PEX19: variants seen among roughly 807,000 people sequenced by gnomAD.
The protein encoded by PEX19 is peroxisomal biogenesis factor 19.
In PEX19, 29 loss-of-function variants were observed where a neutral mutation model predicts 36.3. The ratio of observed to expected loss-of-function variants is 0.80; its 90% CI spans 0.60 to 1.09. The LOEUF is 1.09. Ranked by LOEUF, PEX19 falls within the 50% of genes least tolerant of loss-of-function variation. The pLI is 0.00. For synonymous variants in PEX19, 141 were observed against 135.2 expected, an observed-to-expected ratio of 1.04 and a Z score of -0.30; for missense variants, 396 against 368.1, an observed-to-expected ratio of 1.08 and a Z score of -0.62.
At position 160,282,086 on chromosome 1, in the gene PEX19, G is replaced by C; in HGVS notation, c.547C>G (p.Leu183Val). 1 of 1,613,996 alleles carries C rather than the reference G, an allele frequency of 6.2e-7. No individual in the cohort carries two copies. The highest frequency in any genetic ancestry group is 8.5e-7 in the Non-Finnish European group (1 of 1,179,890). Residue 183 changes from leucine to valine, a missense_variant, in exon 5 of 8, where the codon CTC (leucine) becomes GTC (valine). Leu to Val is a conservative substitution (Grantham distance 32). Transcript: ENST00000368072. Reference protein sequence around the residue: ...PIMQSIMQNLLSKDVLYPSLK... With the variant: ...PIMQSIMQNLVSKDVLYPSLK... The stretch of plus-strand genomic sequence containing the variant: ...GATGGGTACAGCACATCCTTGGAGA[G>C]TAGGTTCTGCATAATACTCTGCATG...
rs1657880634 is a variant in PEX19 at position 160,283,654 on chromosome 1, G to A, written c.71-15C>T. On this transcript the variant is annotated splice_polypyrimidine_tract_variant and intron_variant, in intron 1 of 7. Transcript: ENST00000368072. ...ATCAAGAGCACCTTCAGAGACAAGA[G>A]ACATGGTGTGTGTGTTGGCGACAGA... The A allele has an allele frequency of 1.3e-6, 2 of 1,586,138 alleles. No homozygotes were observed. The highest frequency in any genetic ancestry group is 1.7e-5 in the Admixed American group (1 of 59,968).
intron 5 of PEX19, among the ~76,000 whole-genome samples, chr1:160,280,483 G>C (rs1216182417): frequency 6.6e-6 from 1 of 152,050 alleles, no homozygotes; most frequent in Non-Finnish European, 1.5e-5. Flanking sequence ...GAATATTTTA[G>C]GCTTCAAGGG....
chr1:160,281,105 T>G (rs1468242458), intron 5 of PEX19: 1 of 152,326 alleles, frequency 6.6e-6, no homozygotes, highest in East Asian at 1.9e-4. Flanking sequence ...CTCAGGAGTT[T>G]GAGACCAGCC....
rs752033847 is a variant in PEX19 at position 160,279,438 on chromosome 1, G to A, written c.*113C>T. The A allele has an allele frequency of 3.5e-6, 3 of 849,642 alleles. No homozygotes were observed. The East Asian group carries it at 7.3e-5, about 21-fold the overall frequency. The allele number at this position is 849,642 out of a possible 1,614,324, so 52.6% of individuals were successfully genotyped here. On this transcript the variant is annotated 3_prime_UTR_variant, in exon 8 of 8. Transcript: ENST00000368072. ...GCACAATCTTGAATGGGATGACAGA[G>A]GGCAGCGGGCAGACTTCTCCCGCAG...
intron 7 of PEX19, 69 bp downstream of exon 7, chr1:160,279,732 C>A (rs1330112032): frequency 6.5e-7 from 1 of 1,547,680 alleles, no homozygotes; most frequent in Non-Finnish European, 8.9e-7. Flanking sequence ...TAGGTGGAAT[C>A]CTGAGAGGTT....
chr1:160,278,797 T>C lies in PEX19; in HGVS notation c.*754A>G, dbSNP rs79204689. 1 of 453,816 alleles carries C rather than the reference T, an allele frequency of 2.2e-6. No individual in the cohort carries two copies. Among genetic ancestry groups the C allele is most frequent in the Non-Finnish European group, 4.4e-6 (1 of 226,776 alleles). The allele number at this position is 453,816 out of a possible 1,614,324, so 28.1% of individuals were successfully genotyped here. ...TCAAAAAGGTTGGGATAAACAGGTGTTTAAAAAAGAGAGGAGGTAAAAGGG... is the reference window on the plus strand; with the variant it reads ...TCAAAAAGGTTGGGATAAACAGGTGCTTAAAAAAGAGAGGAGGTAAAAGGG... On this transcript the variant is annotated 3_prime_UTR_variant, in exon 8 of 8. Transcript: ENST00000368072.
Position 160,277,293 on chromosome 1 carries a change from G to A in PEX19, c.*2258C>T, listed in dbSNP as rs750086728. 3 of 455,806 alleles carry A rather than the reference G, an allele frequency of 6.6e-6. No individual in the cohort carries two copies. Among genetic ancestry groups the A allele is most frequent in the South Asian group, 4.6e-5 (3 of 64,554 alleles). The allele number at this position is 455,806 out of a possible 1,614,324, so 28.2% of individuals were successfully genotyped here. A position where few individuals can be genotyped will look rare whatever the true frequency, so the allele number is the denominator to read the frequency against. ...ATTTCAATGTTGCTGTGATATCCAA[G>A]TACATGATCAATGGACTTAACCTAC... On this transcript the variant is annotated 3_prime_UTR_variant, in exon 8 of 8. Transcript: ENST00000368072.
rs957333153 is a variant in PEX19, at chr1:160,279,076, A to G, written c.*475T>C. The G allele has an allele frequency of 2.4e-5, 11 of 454,490 alleles. No individual in the cohort carries two copies. In the East Asian group the frequency reaches 2.8e-4, roughly 11 times the overall value. 28.2% of individuals were successfully genotyped at this position (454,490 alleles called of 1,614,324 possible). On this transcript the variant is annotated 3_prime_UTR_variant, in exon 8 of 8. Coordinates refer to ENST00000368072, the MANE Select transcript of PEX19 (RefSeq NM_002857.4). ...AGCATAGTGACAGACCTGTAGCCCCAGCCCAGGCTGTTTCTCCCCATTCTC... is the reference window on the plus strand; with the variant it reads ...AGCATAGTGACAGACCTGTAGCCCCGGCCCAGGCTGTTTCTCCCCATTCTC...
chr1:160,283,132 A>T (rs1418861696), intron 2 of PEX19, 23 bp from the exon 3 acceptor site: 2 of 1,612,006 alleles, frequency 1.2e-6, no homozygotes, highest in South Asian at 1.1e-5. Context: ...GATGGCTGAA[A>T]TGCGTCTCTT....
intron 3 of PEX19, chr1:160,282,737 A>G: frequency 1.5e-6 from 1 of 685,558 alleles, no homozygotes; most frequent in Non-Finnish European, 2.6e-6. Context: ...TCAAATGGTC[A>G]GTTTTGAATA....
In PEX19 at chr1:160,279,464, G is replaced by C; in HGVS notation, c.*87C>G. 1.9e-6 allele frequency: 2 copies of C among 1,075,760 alleles called. No individual in the cohort carries two copies. Among genetic ancestry groups the C allele is most frequent in the Non-Finnish European group, 2.9e-6 (2 of 691,262 alleles). 66.6% of individuals were successfully genotyped at this position (1,075,760 alleles called of 1,614,324 possible). A position where few individuals can be genotyped will look rare whatever the true frequency, so the allele number is the denominator to read the frequency against. ...GGCAGCGGGCAGACTTCTCCCGCAG[G>C]TGACACTCCTGCCTCAGGTCCCAAT... On this transcript the variant is annotated 3_prime_UTR_variant, in exon 8 of 8. Transcript: ENST00000368072.
Position 160,279,072 on chromosome 1 carries a change from C to A in PEX19, c.*479G>T. ...AGAGAGCATAGTGACAGACCTGTAGCCCCAGCCCAGGCTGTTTCTCCCCAT... is the reference window on the plus strand; with the variant it reads ...AGAGAGCATAGTGACAGACCTGTAGACCCAGCCCAGGCTGTTTCTCCCCAT... On this transcript the variant is annotated 3_prime_UTR_variant, in exon 8 of 8. Transcript: ENST00000368072. The A allele has an allele frequency of 2.2e-6, 1 of 454,604 alleles. No individual in the cohort carries two copies. Among genetic ancestry groups the A allele is most frequent in the Non-Finnish European group, 4.4e-6 (1 of 226,996 alleles). The allele number at this position is 454,604 out of a possible 1,614,324, so 28.2% of individuals were successfully genotyped here. A position where few individuals can be genotyped will look rare whatever the true frequency, so the allele number is the denominator to read the frequency against.
intron 3 of PEX19, 75 bp from the exon 4 acceptor site, chr1:160,282,577 G>T (rs41265793): frequency 1.0e-5 from 11 of 1,102,530 alleles, no homozygotes; most frequent in African/African-American, 1.5e-5. Flanking sequence ...TAACAGCTTG[G>T]ATATGAAGCA....
chr1:160,284,218 A>T (rs938293930), intron 1 of PEX19: 5 of 470,330 alleles, frequency 1.1e-5, no homozygotes, highest in Admixed American at 2.4e-5. Flanking sequence ...CTTTGGCCTG[A>T]TCTCTGCAGA....
rs1657679833 is a variant in PEX19 at position 160,279,528 on chromosome 1, C to CA, written c.*22dup. On this transcript the variant is annotated 3_prime_UTR_variant, in exon 8 of 8. Transcript: ENST00000368072. Reference sequence around the variant, plus strand: ...CCAGATGTTCCCCATAGCTGGGACTCAGAGAGGAAAACGTGTTGTGTTTCA... The same window carrying CA: ...CCAGATGTTCCCCATAGCTGGGACTCAAGAGAGGAAAACGTGTTGTGTTTCA... 1.3e-6 allele frequency: 2 copies of CA among 1,598,120 alleles called. No individual in the cohort carries two copies. The highest frequency in any genetic ancestry group is 1.3e-5 in the African/African-American group (1 of 74,720).
At chr1:160,282,630 A>G (rs956452039) in intron 3 of PEX19, 128 bp from the exon 4 acceptor site, 16 of 780,142 alleles carry the variant, frequency 2.1e-5, no homozygotes, top group African/African-American at 5.2e-5. Flanking sequence ...GGAAAACCCT[A>G]TGGTTATCTT....
At chr1:160,283,206 C>A in intron 2 of PEX19, 97 bp from the exon 3 acceptor site, 3 of 1,304,340 alleles carry the variant, frequency 2.3e-6, no homozygotes, top group Non-Finnish European at 3.3e-6. Context: ...GGGAAATGCA[C>A]CTCCCTCCTA....
chr1:160,280,927 G>A (rs1036638011), intron 5 of PEX19, among the ~76,000 whole-genome samples: 2 of 152,058 alleles, frequency 1.3e-5, no homozygotes, highest in East Asian at 3.9e-4. Context: ...GCTGACTCGT[G>A]GTCTGTACTA....
At position 160,282,174 on chromosome 1, in the gene PEX19, C is replaced by T. The variant is rs78340311; in HGVS notation, c.459G>A (p.Leu153=). 1,187 of 1,614,126 alleles carry T rather than the reference C, an allele frequency of 7.4e-4. 4 individuals are homozygous for T. The highest frequency in any genetic ancestry group is 3.7e-3 in the East Asian group (168 of 44,888). The change falls in exon 5 of 8, where the codon CTG becomes CTA. Residue 153 remains leucine, a synonymous_variant. Transcript: ENST00000368072. ...TGCCTAGCCCCTCCATGGCCTTGGT[C>T]AGCTCTTCTTCCGACATGCTGGAGT... is the stretch of plus-strand genomic sequence containing the variant. ...LQNSSMSEEE[L]TKAMEGLGMD...
Sources: allele counts gnomAD v4.1 joint callset (sites outside exome capture counted in the v4.1 genomes callset), GRCh38; gene constraint gnomAD v4.1.1; transcripts MANE v1.5; gene names NCBI Gene and HGNC (gene_info 2026-07-23, HGNC 2026-07-21).